The following TLCD4 variants were observed in gnomAD, a reference collection of about 807,000 sequenced individuals.
TLCD4 encodes the protein TLC domain-containing protein 4.
Under a neutral mutation model 24.2 loss-of-function variants are expected in TLCD4, and 7 were observed. That is an observed-to-expected ratio of 0.29 (90% CI 0.16 to 0.54). The LOEUF is 0.54. Ranked by LOEUF, TLCD4 falls within the 20% of genes least tolerant of loss-of-function variation. The pLI, the probability that TLCD4 is intolerant of heterozygous loss-of-function variation, is 0.95. For missense variants in TLCD4, 259 were observed against 313.9 expected (o/e 0.82, Z 1.32); for synonymous variants, 103 against 106.4 (o/e 0.97, Z 0.20).
upstream of TLCD4, among the ~76,000 whole-genome samples, chr1:95,114,289 G>A (rs1332163149): frequency 6.6e-6 from 1 of 152,136 alleles, no homozygotes; most frequent in African/African-American, 2.4e-5. Context: ...ACCAACACAG[G>A]AAAAAGTAGT....
the TLCD4 span, among the ~76,000 whole-genome samples, chr1:95,109,393 G>T: frequency 3.4e-3 from 248 of 72,044 alleles, no homozygotes; most frequent in Non-Finnish European, 6.5e-3. Context: ...TACATACATT[G>T]ACTTTTTCTC....
chr1:95,111,771 CT>C, the TLCD4 span, among the ~76,000 whole-genome samples: 1 of 152,168 alleles, frequency 6.6e-6, no homozygotes, highest in Non-Finnish European at 1.5e-5. Flanking sequence ...TCTTGGACCC[CT>C]GGGTCCCTTC....
intron 6 of TLCD4, among the ~76,000 whole-genome samples, chr1:95,186,893 CAAT>C (rs1287206735): frequency 1.3e-5 from 2 of 151,936 alleles, no homozygotes; most frequent in Non-Finnish European, 2.9e-5. Flanking sequence ...TTTAATCACT[CAAT>C]AAAATATTTT....
Position 95,118,952 on chromosome 1 carries a change from G to A in TLCD4, c.-12+1335G>A, listed in dbSNP as rs574884662. Among the ~76,000 whole-genome samples the A allele has an allele frequency of 4.6e-5, 7 of 151,714 alleles. No homozygotes were observed. In the South Asian group the frequency reaches 8.3e-4, roughly 18 times the overall value. On this transcript the variant is annotated intron_variant, in intron 1 of 6. Transcript: ENST00000370203. ...TGAGGGTGCTTCTTTTTTTTTCTAC[G>A]CCTGCAACTCCTTTTGTCCCATTAC...
rs556407837 is a variant in TLCD4, at chr1:95,182,448, T to G, written c.473+8559T>G. 4.9e-4 allele frequency among the ~76,000 whole-genome samples: 75 copies of G among 152,102 alleles called. 3 individuals are homozygous for G. Among genetic ancestry groups the G allele is most frequent in the Admixed American group, 2.0e-3 (30 of 15,270 alleles). On this transcript the variant is annotated intron_variant, in intron 6 of 6. Coordinates refer to ENST00000370203, the MANE Select transcript of TLCD4 (RefSeq NM_152487.3). Reference sequence around the variant, plus strand: ...TATTAAAAAGACACATACTCAGAAGTCATCTAATAAAAATAATAAATAATT... The same window carrying G: ...TATTAAAAAGACACATACTCAGAAGGCATCTAATAAAAATAATAAATAATT...
chr1:95,107,397 T>C, the TLCD4 span, among the ~76,000 whole-genome samples: 1 of 152,184 alleles, frequency 6.6e-6, no homozygotes, highest in Non-Finnish European at 1.5e-5. Context: ...CACTTCAGCC[T>C]GGGCGACAGA....
intron 1 of TLCD4, among the ~76,000 whole-genome samples, chr1:95,124,075 T>C (rs1386658011): frequency 6.6e-6 from 1 of 152,202 alleles, no homozygotes; most frequent in Non-Finnish European, 1.5e-5. Flanking sequence ...CACTCTCTGA[T>C]AGGGGGATTA....
upstream of TLCD4, among the ~76,000 whole-genome samples, chr1:95,114,008 A>G (rs910878339): frequency 1.3e-5 from 2 of 152,144 alleles, no homozygotes; most frequent in African/African-American, 4.8e-5. Flanking sequence ...AATATCTTGA[A>G]ATAGTTTCAT....
At chr1:95,171,567 A>G (rs960275690) in intron 5 of TLCD4, among the ~76,000 whole-genome samples, 2 of 152,228 alleles carry the variant, frequency 1.3e-5, no homozygotes, top group African/African-American at 4.8e-5. Context: ...GAGTTCAGAT[A>G]ATGAAAATGA....
intron 5 of TLCD4, among the ~76,000 whole-genome samples, chr1:95,170,222 G>T (rs571576490): frequency 4.0e-5 from 6 of 151,482 alleles, no homozygotes; most frequent in Admixed American, 3.9e-4. Flanking sequence ...ATGAATGAGA[G>T]AAATTATCCT....
chr1:95,183,862 C>CA (rs201415645), intron 6 of TLCD4, among the ~76,000 whole-genome samples: 1,760 of 150,274 alleles, frequency 0.012, 17 homozygotes, highest in South Asian at 0.018. Context: ...AAAACAAAAA[C>CA]AAAAAAAACA....
At chr1:95,185,227 A>G (rs904375882) in intron 6 of TLCD4, among the ~76,000 whole-genome samples, 1 of 152,146 alleles carries the variant, frequency 6.6e-6, no homozygotes, top group Non-Finnish European at 1.5e-5. Context: ...TTGGATTAGC[A>G]GGAATTGAGC....
At chr1:95,182,935 A>G (rs957094159) in intron 6 of TLCD4, among the ~76,000 whole-genome samples, 4 of 152,154 alleles carry the variant, frequency 2.6e-5, no homozygotes, top group Non-Finnish European at 5.9e-5. Context: ...GGGAAAGAGA[A>G]AGTATAGGAT....
At chr1:95,110,266 A>G in the TLCD4 span, among the ~76,000 whole-genome samples, 1 of 151,760 alleles carries the variant, frequency 6.6e-6, no homozygotes, top group African/African-American at 2.4e-5. Context: ...TCAGCCCCAC[A>G]TTAATTAGTA....
At chr1:95,120,247 G>T (rs759658083) in intron 1 of TLCD4, 1 of 152,216 alleles carries the variant, frequency 6.6e-6, no homozygotes, top group Non-Finnish European at 1.5e-5. Context: ...GGTATCAGGC[G>T]CTGGATGGAT....
chr1:95,189,494 A>G (rs529947178), intron 6 of TLCD4, among the ~76,000 whole-genome samples: 3 of 152,280 alleles, frequency 2.0e-5, no homozygotes, highest in East Asian at 3.9e-4. Flanking sequence ...ATCCACCACT[A>G]TAGTATTATG....
chr1:95,187,277 C>T (rs1199416916), intron 6 of TLCD4, among the ~76,000 whole-genome samples: 3 of 152,174 alleles, frequency 2.0e-5, no homozygotes, highest in African/African-American at 7.2e-5. Context: ...TTATTGTTAA[C>T]TAAAGTCCAT....
At chr1:95,149,457 C>T (rs556443963) in intron 3 of TLCD4, among the ~76,000 whole-genome samples, 4 of 152,176 alleles carry the variant, frequency 2.6e-5, no homozygotes, top group South Asian at 2.1e-4. Context: ...TTGTGGGCTC[C>T]GGGGGATGTA....
In TLCD4 at chr1:95,131,200, G is replaced by A. The variant is rs533133431; in HGVS notation, c.-11-12691G>A. ...TGAGAAGGAAATGTCTGTTTAAGTCGCAGCTGTAAAGGAGAGGGACATGCA... is the reference window on the plus strand; with the variant it reads ...TGAGAAGGAAATGTCTGTTTAAGTCACAGCTGTAAAGGAGAGGGACATGCA... On this transcript the variant is annotated intron_variant, in intron 1 of 6. Coordinates refer to ENST00000370203, the MANE Select transcript of TLCD4 (RefSeq NM_152487.3). Among the ~76,000 whole-genome samples the A allele has an allele frequency of 5.3e-5, 8 of 152,272 alleles. No individual in the cohort carries two copies. In the South Asian group the frequency reaches 6.2e-4, roughly 12 times the overall value.
Sources: allele counts gnomAD v4.1 joint callset (sites outside exome capture counted in the v4.1 genomes callset), GRCh38; gene constraint gnomAD v4.1.1; transcripts MANE v1.5; gene names NCBI Gene and HGNC (gene_info 2026-07-23, HGNC 2026-07-21).